Variants in ADK observed in about 807,000 individuals in gnomAD.
ADK encodes adenosine kinase.
Under a neutral mutation model 44.7 loss-of-function variants are expected in ADK, and 24 were observed. That is an observed-to-expected ratio of 0.54 (90% CI 0.39 to 0.76). ADK has a LOEUF of 0.76. ADK is among the 30% of genes least tolerant of loss of function. ADK has a pLI of 0.00. For synonymous variants in ADK, 128 were observed against 142.6 expected, an observed-to-expected ratio of 0.90 and a Z score of 0.73; for missense variants, 321 against 425.1, an observed-to-expected ratio of 0.76 and a Z score of 2.15.
At chr10:74,332,019 A>C (rs1276174292) in intron 4 of ADK, among the ~76,000 whole-genome samples, 2 of 151,406 alleles carry the variant, frequency 1.3e-5, no homozygotes, top group African/African-American at 2.4e-5. Context: ...ATGCCCAACA[A>C]ATTTTTTTTT....
At chr10:74,614,175 T>C (rs989941227) in intron 9 of ADK, among the ~76,000 whole-genome samples, 27 of 152,094 alleles carry the variant, frequency 1.8e-4, no homozygotes, top group African/African-American at 6.5e-4. Flanking sequence ...TTTAGTTCAG[T>C]GATCTCAAGC....
chr10:74,456,199 T>G (rs1296608665), intron 6 of ADK, among the ~76,000 whole-genome samples: 1 of 152,086 alleles, frequency 6.6e-6, no homozygotes, highest in Non-Finnish European at 1.5e-5. Context: ...CTAATAGACA[T>G]CTACAGAACT....
intron 4 of ADK, among the ~76,000 whole-genome samples, chr10:74,374,523 A>G (rs1304758404): frequency 3.3e-5 from 5 of 152,140 alleles, no homozygotes; most frequent in South Asian, 2.1e-4. Flanking sequence ...TGAGTTTTAC[A>G]CGATCATAAT....
chr10:74,480,986 A>G (rs912325194), intron 6 of ADK, among the ~76,000 whole-genome samples: 1 of 150,590 alleles, frequency 6.6e-6, no homozygotes, highest in South Asian at 2.1e-4. Context: ...TCTCTTTGTT[A>G]TGTCTTTCTT....
chr10:74,514,786 T>A (rs1036310852), intron 6 of ADK, among the ~76,000 whole-genome samples: 6 of 152,154 alleles, frequency 3.9e-5, no homozygotes, highest in African/African-American at 7.2e-5. Flanking sequence ...ACTAGATAAT[T>A]ATTGTTTTCC....
At chr10:74,534,390 G>A (rs1849384976) in intron 7 of ADK, among the ~76,000 whole-genome samples, 1 of 152,082 alleles carries the variant, frequency 6.6e-6, no homozygotes, top group Non-Finnish European at 1.5e-5. Flanking sequence ...ATGAAGAAGT[G>A]CCAATTTGTT....
At chr10:74,406,260 A>G (rs936915583) in intron 6 of ADK, among the ~76,000 whole-genome samples, 3 of 151,978 alleles carry the variant, frequency 2.0e-5, no homozygotes, top group African/African-American at 7.2e-5. Context: ...TCTGCTTTGC[A>G]TTGTTTTTGA....
chr10:74,199,740 C>T (rs978879094), intron 1 of ADK, among the ~76,000 whole-genome samples: 2 of 152,018 alleles, frequency 1.3e-5, no homozygotes, highest in Admixed American at 1.3e-4. Context: ...AGCGCAGTGG[C>T]ACGATCTCGA....
chr10:74,298,850 G>A (rs540202335), intron 3 of ADK, among the ~76,000 whole-genome samples: 1 of 152,310 alleles, frequency 6.6e-6, no homozygotes, highest in Non-Finnish European at 1.5e-5. Context: ...AGGCTGAGAT[G>A]GGAGGATCCG....
At chr10:74,240,887 A>G (rs1269390436) in intron 3 of ADK, among the ~76,000 whole-genome samples, 1 of 152,206 alleles carries the variant, frequency 6.6e-6, no homozygotes, top group Non-Finnish European at 1.5e-5. Context: ...AAAAATTAGT[A>G]TTATATGATA....
intron 6 of ADK, among the ~76,000 whole-genome samples, chr10:74,504,383 G>C (rs1009625781): frequency 1.3e-5 from 2 of 151,870 alleles, no homozygotes; most frequent in Non-Finnish European, 2.9e-5. Context: ...GAACAGTGCC[G>C]GGGGTTAGAG....
At chr10:74,564,275 C>G (rs1215458411) in intron 7 of ADK, among the ~76,000 whole-genome samples, 1 of 152,104 alleles carries the variant, frequency 6.6e-6, no homozygotes, top group Non-Finnish European at 1.5e-5. Flanking sequence ...ATGCACCCAT[C>G]AAGCTTTGAA....
At chr10:74,404,711 G>C (rs1251583524) in intron 6 of ADK, among the ~76,000 whole-genome samples, 2 of 152,100 alleles carry the variant, frequency 1.3e-5, no homozygotes, top group Non-Finnish European at 2.9e-5. Flanking sequence ...ATGAGACCAG[G>C]TGCGGTGGCT....
rs144730884 is a variant in ADK, at chr10:74,441,683, C to T, written c.555+43104C>T. Among the ~76,000 whole-genome samples the T allele has an allele frequency of 3.9e-3, 600 of 152,224 alleles. 7 individuals are homozygous for T. The highest frequency in any genetic ancestry group is 0.013 in the African/African-American group (535 of 41,546). On this transcript the variant is annotated intron_variant, in intron 6 of 10. Transcript: ENST00000539909. Reference sequence around the variant, plus strand: ...CTTTTTATGTATGACACTAAAAGCACAGGCAGCAAAAGCAAAATTAAACAA... The same window carrying T: ...CTTTTTATGTATGACACTAAAAGCATAGGCAGCAAAAGCAAAATTAAACAA...
intron 9 of ADK, among the ~76,000 whole-genome samples, chr10:74,602,636 G>A (rs1852183542): frequency 6.6e-6 from 1 of 152,170 alleles, no homozygotes; most frequent in Non-Finnish European, 1.5e-5. Context: ...AAAGACACTG[G>A]CTAATCTTTG....
chr10:74,160,347 A>T (rs1210324169), intron 1 of ADK, among the ~76,000 whole-genome samples: 1 of 152,222 alleles, frequency 6.6e-6, no homozygotes, highest in African/African-American at 2.4e-5. Context: ...TATATAATTA[A>T]AATTGGGTAT....
intron 6 of ADK, among the ~76,000 whole-genome samples, chr10:74,450,228 A>G (rs1007109076): frequency 6.6e-6 from 1 of 152,214 alleles, no homozygotes; most frequent in African/African-American, 2.4e-5. Flanking sequence ...GTGGAGGATC[A>G]CTTGAATCTA....
chr10:74,486,182 A>T (rs533942500), intron 6 of ADK, among the ~76,000 whole-genome samples: 49 of 152,122 alleles, frequency 3.2e-4, no homozygotes, highest in Middle Eastern at 3.4e-3. Context: ...ATGAGATCTG[A>T]TGATATTATA....
At chr10:74,277,021 G>A (rs965648071) in intron 3 of ADK, among the ~76,000 whole-genome samples, 1 of 151,904 alleles carries the variant, frequency 6.6e-6, no homozygotes. Flanking sequence ...CAGTTCAAGC[G>A]ATTCTCCTGC....
Sources: allele counts gnomAD v4.1 joint callset (sites outside exome capture counted in the v4.1 genomes callset), GRCh38; gene constraint gnomAD v4.1.1; transcripts MANE v1.5; gene names NCBI Gene and HGNC (gene_info 2026-07-23, HGNC 2026-07-21).